MMS22L: variants seen among roughly 807,000 people sequenced by gnomAD.
MMS22L encodes the protein protein MMS22-like.
In MMS22L, 74 loss-of-function variants were observed where a neutral mutation model predicts 159.1. That is an observed-to-expected ratio of 0.47 (90% CI 0.39 to 0.56). The LOEUF (loss-of-function observed/expected upper bound fraction) is 0.56, where lower values mean the gene tolerates loss of function less well. MMS22L is among the 20% of genes least tolerant of loss of function. MMS22L has a pLI of 0.00. For missense variants in MMS22L, 1,351 were observed against 1,422.1 expected, an observed-to-expected ratio of 0.95 and a Z score of 0.80; for synonymous variants, 517 against 506.9, an observed-to-expected ratio of 1.02 and a Z score of -0.27.
chr6:97,203,638 A>G (rs957014036), intron 14 of MMS22L, among the ~76,000 whole-genome samples: 2 of 152,190 alleles, frequency 1.3e-5, no homozygotes, highest in Non-Finnish European at 2.9e-5. Context: ...AGGCAGCTGT[A>G]TTATAGCAGC....
At chr6:97,255,706 T>A (rs984256021) in intron 9 of MMS22L, among the ~76,000 whole-genome samples, 7 of 152,080 alleles carry the variant, frequency 4.6e-5, no homozygotes, top group Non-Finnish European at 1.0e-4. Flanking sequence ...CTAATTTCCA[T>A]CATCTCTTCT....
intron 21 of MMS22L, 38 bp from the exon 22 acceptor site, chr6:97,162,203 G>A: frequency 3.2e-6 from 5 of 1,556,752 alleles, no homozygotes; most frequent in Non-Finnish European, 4.3e-6. Flanking sequence ...TCTGCTTAAA[G>A]CTTCAATAGA....
At chr6:97,167,731 C>T (rs565969370) in intron 20 of MMS22L, among the ~76,000 whole-genome samples, 3 of 152,016 alleles carry the variant, frequency 2.0e-5, no homozygotes, top group African/African-American at 7.2e-5. Context: ...CAACTCCTAC[C>T]CATTTTGCTC....
chr6:97,252,218 T>C (rs1813312882), intron 10 of MMS22L, among the ~76,000 whole-genome samples: 3 of 152,094 alleles, frequency 2.0e-5, no homozygotes, highest in African/African-American at 7.2e-5. Context: ...ACACTGAGAA[T>C]ATCTGGCGGG....
intron 14 of MMS22L, among the ~76,000 whole-genome samples, chr6:97,221,219 C>T (rs1809608450): frequency 6.6e-6 from 1 of 152,002 alleles, no homozygotes; most frequent in Non-Finnish European, 1.5e-5. Context: ...ATAAGTAAGT[C>T]AAGATTTTGG....
At chr6:97,215,952 A>G (rs980898667) in intron 14 of MMS22L, among the ~76,000 whole-genome samples, 1 of 152,146 alleles carries the variant, frequency 6.6e-6, no homozygotes, top group Admixed American at 6.5e-5. Flanking sequence ...AAAGAGAGAA[A>G]AATATATATC....
rs374021496 is a variant in MMS22L at position 97,278,329 on chromosome 6, G to C, written c.340+520C>G. Among the ~76,000 whole-genome samples the C allele has an allele frequency of 7.0e-4, 106 of 151,816 alleles. 1 individual carries two copies. The highest frequency in any genetic ancestry group is 2.4e-3 in the African/African-American group (99 of 41,404). Reference sequence around the variant, plus strand: ...GAGGCAGGAGAATCACTTGAACCCGGGGGGCAGAGGTTACAGTGAGCTGAG... The same window carrying C: ...GAGGCAGGAGAATCACTTGAACCCGCGGGGCAGAGGTTACAGTGAGCTGAG... On this transcript the variant is annotated intron_variant, in intron 4 of 24. Coordinates refer to ENST00000683635, the MANE Select transcript of MMS22L (RefSeq NM_001350599.2).
chr6:97,263,305 A>G (rs1344730124), intron 9 of MMS22L, 30 bp downstream of exon 9: 1 of 1,331,218 alleles, frequency 7.5e-7, no homozygotes, highest in African/African-American at 1.5e-5. Flanking sequence ...GGTTAGTAAC[A>G]ATAACCAACA....
intron 16 of MMS22L, among the ~76,000 whole-genome samples, chr6:97,180,334 C>G (rs1804585411): frequency 6.6e-6 from 1 of 152,162 alleles, no homozygotes; most frequent in African/African-American, 2.4e-5. Context: ...ATCTCCTGAC[C>G]TTATGATCCG....
chr6:97,219,326 G>C (rs1360219375), intron 14 of MMS22L, among the ~76,000 whole-genome samples: 1 of 152,144 alleles, frequency 6.6e-6, no homozygotes, highest in East Asian at 1.9e-4. Context: ...AACATGTATT[G>C]AATGTACTGA....
chr6:97,231,593 T>A lies in MMS22L; in HGVS notation c.1362A>T (p.Ser454=). 2.5e-6 allele frequency: 4 copies of A among 1,613,840 alleles called. No individual in the cohort carries two copies. The South Asian group carries it at 4.4e-5, about 18-fold the overall frequency. ...PFKGLANTMK[S]PLSMLEMVKT... is the part of the protein sequence containing the mutation. ...TCACCATTTCAAGCATAGACAAGGG[T>A]GACTTCATGGTATTAGCAAGGCCTT... The change falls in exon 13 of 25, where the codon TCA becomes TCT. Residue 454 remains serine, a synonymous_variant. Transcript: ENST00000683635.
chr6:97,231,586 A>G lies in MMS22L; in HGVS notation c.1369T>C (p.Ser457Pro), dbSNP rs775821646. ...CAAGTCTTCACCATTTCAAGCATAG[A>G]CAAGGGTGACTTCATGGTATTAGCA... ...GLANTMKSPL[S>P]MLEMVKTCCC... The change falls in exon 13 of 25, where the codon TCT becomes CCT. Residue 457 changes from serine (S) to proline (P), a missense_variant. Ser to Pro is a moderately conservative substitution (Grantham distance 74, BLOSUM62 -1). Transcript: ENST00000683635. The G allele has an allele frequency of 6.2e-7, 1 of 1,613,906 alleles. No homozygotes were observed. Among genetic ancestry groups the G allele is most frequent in the East Asian group, 2.2e-5 (1 of 44,838 alleles).
intron 14 of MMS22L, among the ~76,000 whole-genome samples, chr6:97,214,691 T>TTG (rs1808788578): frequency 1.3e-5 from 2 of 150,332 alleles, no homozygotes; most frequent in South Asian, 4.2e-4. Context: ...TTTTGTTTTT[T>TTG]TTTTTTTTTC....
intron 10 of MMS22L, among the ~76,000 whole-genome samples, chr6:97,252,565 A>G (rs570199415): frequency 6.6e-6 from 1 of 151,962 alleles, no homozygotes; most frequent in South Asian, 2.1e-4. Flanking sequence ...GAATCACCTG[A>G]ACCCGTGAGG....
chr6:97,229,074 A>G lies in MMS22L; in HGVS notation c.1859T>C (p.Ile620Thr). The G allele has an allele frequency of 1.2e-6, 2 of 1,614,176 alleles. No individual in the cohort carries two copies. Among genetic ancestry groups the G allele is most frequent in the Non-Finnish European group, 1.7e-6 (2 of 1,180,012 alleles). Reference sequence around the variant, plus strand: ...AATGTATATGGAAAGAAGGGTCCAGATAGTCTGTCTCTGTACCATTTCCTC... The same window carrying G: ...AATGTATATGGAAAGAAGGGTCCAGGTAGTCTGTCTCTGTACCATTTCCTC... The part of the protein sequence containing the change: ...KNEEMVQRQT[I>T]WTLLSIYIDG... Residue 620 changes from isoleucine (I) to threonine (T), a missense_variant, in exon 14 of 25, where the codon ATC (isoleucine) becomes ACC (threonine). By Grantham distance (89) the Ile-to-Thr change is moderately conservative. Coordinates refer to ENST00000683635, the MANE Select transcript of MMS22L (RefSeq NM_001350599.2).
chr6:97,253,150 C>T, intron 10 of MMS22L, among the ~76,000 whole-genome samples: 1 of 152,156 alleles, frequency 6.6e-6, no homozygotes, highest in African/African-American at 2.4e-5. Flanking sequence ...CTGACTATTT[C>T]ACTATATTCT....
intron 5 of MMS22L, 24 bp downstream of exon 5, chr6:97,272,951 C>T (rs764422284): frequency 1.0e-5 from 16 of 1,607,602 alleles, no homozygotes; most frequent in East Asian, 2.2e-5. Flanking sequence ...ATGCAGTGAT[C>T]AAAATACTCA....
chr6:97,174,578 C>A (rs1292729595), intron 18 of MMS22L, among the ~76,000 whole-genome samples: 1 of 151,998 alleles, frequency 6.6e-6, no homozygotes, highest in Non-Finnish European at 1.5e-5. Context: ...GGAAGTGAGG[C>A]CTTGGGAGAA....
chr6:97,238,030 A>C (rs1483015211), intron 11 of MMS22L, among the ~76,000 whole-genome samples: 1 of 152,228 alleles, frequency 6.6e-6, no homozygotes, highest in Admixed American at 6.5e-5. Flanking sequence ...CAAAAGTATG[A>C]ATGCTAGGTA....
Sources: gnomAD v4.1 joint callset for allele counts (sites outside exome capture counted in the v4.1 genomes callset) on GRCh38, gnomAD v4.1.1 for gene constraint, MANE v1.5 for transcripts, NCBI Gene and HGNC (gene_info 2026-07-23, HGNC 2026-07-21) for gene names.